Variants in PMPCB observed in about 807,000 individuals in gnomAD.
PMPCB encodes the protein mitochondrial-processing peptidase subunit beta.
Under a neutral mutation model 61.5 loss-of-function variants are expected in PMPCB, and 46 were observed. That is an observed-to-expected ratio of 0.75 (90% CI 0.59 to 0.96). The LOEUF (loss-of-function observed/expected upper bound fraction) is 0.96, where lower values mean the gene tolerates loss of function less well. Among genes scored for constraint, PMPCB ranks in the 40% least tolerant of loss-of-function variants. The pLI is 0.00. For missense variants in PMPCB, 590 were observed against 602.4 expected, an observed-to-expected ratio of 0.98 and a Z score of 0.22; for synonymous variants, 191 against 201.6, an observed-to-expected ratio of 0.95 and a Z score of 0.44.
the PMPCB span, chr7:103,344,393 T>G: frequency 2.9e-6 from 2 of 680,388 alleles, no homozygotes; most frequent in Non-Finnish European, 5.0e-6. Flanking sequence ...TAATCTAGGG[T>G]AGGATTACTT....
intron 6 of PMPCB, among the ~76,000 whole-genome samples, chr7:103,306,500 A>G (rs1008874360): frequency 1.8e-4 from 27 of 149,680 alleles, no homozygotes; most frequent in Admixed American, 1.3e-4. Context: ...GTCTTGCCTT[A>G]GCCTCCCGAG....
At chr7:103,328,250 AGT>A (rs1255052806) in intron 12 of PMPCB, among the ~76,000 whole-genome samples, 15 of 152,102 alleles carry the variant, frequency 9.9e-5, no homozygotes, top group South Asian at 2.1e-4. Context: ...AATTAGCCAA[AGT>A]GCCCCTAACC....
Position 103,297,552 on chromosome 7 carries a change from G to A in PMPCB, c.93G>A (p.Ala31=), listed in dbSNP as rs377745284. 2.5e-6 allele frequency: 4 copies of A among 1,610,492 alleles called. No individual in the cohort carries two copies. The Admixed American group carries it at 5.0e-5, about 20-fold the overall frequency. Residue 31 remains alanine, a synonymous_variant, in exon 1 of 13, where the codon GCG becomes GCA. Coordinates refer to ENST00000249269, the MANE Select transcript of PMPCB (RefSeq NM_004279.3). ...FSESLLIRGA[A]GRSLYFGENR... Reference sequence around the variant, plus strand: ...AGAGTCTTCTAATCCGAGGCGCTGCGGGACGGGTGAGCTTCCCTCCAGGCC... The same window carrying A: ...AGAGTCTTCTAATCCGAGGCGCTGCAGGACGGGTGAGCTTCCCTCCAGGCC...
In PMPCB at chr7:103,326,736, C is replaced by T. The variant is rs552302478; in HGVS notation, c.*1432-2195C>T. On this transcript the variant is annotated intron_variant and NMD_transcript_variant, in intron 12 of 12. Coordinates refer to the PMPCB transcript ENST00000444457. Reference sequence around the variant, plus strand: ...TCACCATAACTTTACCTATTTTTTCCTGCAAGAAAACAAGTATTTCCCTCC... The same window carrying T: ...TCACCATAACTTTACCTATTTTTTCTTGCAAGAAAACAAGTATTTCCCTCC... 6.3e-4 allele frequency: 956 copies of T among 1,524,718 alleles called. 5 individuals carry two copies. The highest frequency in any genetic ancestry group is 4.7e-3 in the Middle Eastern group (25 of 5,288). The allele number at this position is 1,524,718 out of a possible 1,614,324, so 94.4% of individuals were successfully genotyped here. A position where few individuals can be genotyped will look rare whatever the true frequency, so the allele number is the denominator to read the frequency against.
At chr7:103,310,666 A>T in intron 9 of PMPCB, 191 bp downstream of exon 9, 2 of 327,472 alleles carry the variant, frequency 6.1e-6, no homozygotes, top group Non-Finnish European at 1.1e-5. Context: ...GCTGATTTAT[A>T]CTATAGAATT....
At chr7:103,317,216 A>T (rs1018220663), downstream of PMPCB, 3 of 532,092 alleles carry the variant, frequency 5.6e-6, no homozygotes, top group African/African-American at 3.8e-5. Context: ...GGGACCAAGA[A>T]CTGCCCACAG....
intron 12 of PMPCB, chr7:103,324,628 TTTAA>T (rs1363153206): frequency 1.6e-6 from 2 of 1,253,184 alleles, no homozygotes; most frequent in Admixed American, 6.1e-5. Context: ...CAACAAACAA[TTTAA>T]TTTATTAAAA....
Position 103,297,497 on chromosome 7 carries a change from C to T in PMPCB, c.38C>T (p.Ala13Val). Residue 13 changes from alanine to valine, a missense_variant, in exon 1 of 13, where the codon GCG becomes GTG. Transcript: ENST00000249269. The part of the protein sequence containing the change: ...AAAARVVLSS[A>V]ARRRLWGFSE... ...GCGGCTCGAGTGGTGTTGTCATCCG[C>T]GGCGCGGCGGCGGCTCTGGGGTTTC... 1 of 1,574,072 alleles carries T rather than the reference C, an allele frequency of 6.4e-7. No individual in the cohort carries two copies. Among genetic ancestry groups the T allele is most frequent in the South Asian group, 1.2e-5 (1 of 85,164 alleles).
At chr7:103,310,531 G>GT in intron 9 of PMPCB, 56 bp downstream of exon 9, 6 of 1,374,360 alleles carry the variant, frequency 4.4e-6, no homozygotes, top group South Asian at 4.0e-5. Context: ...TTTTAAACTA[G>GT]TTTTTTATTT....
downstream of PMPCB, chr7:103,329,519 T>C (rs1341074016): frequency 6.6e-6 from 1 of 152,270 alleles, no homozygotes; most frequent in Non-Finnish European, 1.5e-5. Flanking sequence ...TGTAATTTCT[T>C]CTAGTACTTA....
downstream of PMPCB, among the ~76,000 whole-genome samples, chr7:103,331,217 C>T (rs1818956419): frequency 1.3e-5 from 2 of 152,326 alleles, no homozygotes; most frequent in East Asian, 3.9e-4. Flanking sequence ...CTCGGCCTCC[C>T]AAAGCGCTGG....
rs1240639576 is a variant in PMPCB at position 103,321,477 on chromosome 7, C to T, written c.*1432-7454C>T. On this transcript the variant is annotated intron_variant and NMD_transcript_variant, in intron 12 of 12. Coordinates refer to the PMPCB transcript ENST00000444457. ...GGGTTGCAGTGAGCCAAAATCGTGCCATTGCACTCCAGACCAGGTGACAGT... is the reference window on the plus strand; with the variant it reads ...GGGTTGCAGTGAGCCAAAATCGTGCTATTGCACTCCAGACCAGGTGACAGT... 2.0e-5 allele frequency among the ~76,000 whole-genome samples: 3 copies of T among 151,526 alleles called. No individual in the cohort carries two copies. The East Asian group carries it at 5.8e-4, about 30-fold the overall frequency.
the PMPCB span, among the ~76,000 whole-genome samples, chr7:103,338,453 C>T: frequency 1.3e-5 from 2 of 151,522 alleles, no homozygotes; most frequent in Admixed American, 6.6e-5. Context: ...CACACCACCA[C>T]GCCTGGCTAA....
intron 12 of PMPCB, among the ~76,000 whole-genome samples, chr7:103,325,765 CTT>C (rs1818671291): frequency 6.6e-6 from 1 of 152,108 alleles, no homozygotes; most frequent in East Asian, 1.9e-4. Flanking sequence ...TTAAAACAAA[CTT>C]TAATGAAATA....
At chr7:103,316,538 C>T (rs1203142038), downstream of PMPCB, 2 of 308,036 alleles carry the variant, frequency 6.5e-6, no homozygotes, top group East Asian at 6.0e-5. Context: ...TACAGAAAAC[C>T]TAATCCCTAG....
chr7:103,310,263 T>C, intron 8 of PMPCB, 52 bp from the exon 9 acceptor site: 6 of 1,391,016 alleles, frequency 4.3e-6, no homozygotes, highest in Non-Finnish European at 6.1e-6. Context: ...TTTCTTTCTG[T>C]ATTTTGGACA....
intron 12 of PMPCB, among the ~76,000 whole-genome samples, chr7:103,326,276 C>A (rs1321112965): frequency 6.6e-6 from 1 of 152,042 alleles, no homozygotes. Flanking sequence ...CTGTGCCCAG[C>A]CCAAGTAAAT....
chr7:103,320,526 C>T (rs901767487), intron 12 of PMPCB, among the ~76,000 whole-genome samples: 1 of 151,568 alleles, frequency 6.6e-6, no homozygotes, highest in South Asian at 2.1e-4. Flanking sequence ...TTTGGGAGGC[C>T]GAGGCAGGCG....
At chr7:103,320,764 T>C (rs200206470) in intron 12 of PMPCB, 88 of 25,462 alleles carry the variant, frequency 3.5e-3, no homozygotes, top group South Asian at 0.015. Context: ...TATATACACA[T>C]ATATATATAT....
Sources: allele counts gnomAD v4.1 joint callset (sites outside exome capture counted in the v4.1 genomes callset), GRCh38; gene constraint gnomAD v4.1.1; transcripts MANE v1.5; gene names NCBI Gene and HGNC (gene_info 2026-07-23, HGNC 2026-07-21).